SH3GL2: variants seen among roughly 807,000 people sequenced by gnomAD.
The protein encoded by SH3GL2 is endophilin-A1.
A neutral mutation model predicts 46.0 loss-of-function variants in SH3GL2; 24 were observed. The ratio of observed to expected loss-of-function variants is 0.52; its 90% confidence interval spans 0.38 to 0.73. The LOEUF is 0.73. Among genes scored for constraint, SH3GL2 ranks in the 30% least tolerant of loss-of-function variants. The probability of loss-of-function intolerance (pLI) is 0.00; values close to 1 mark genes in which losing one functional copy is unlikely to be tolerated. For missense variants in SH3GL2, 413 were observed against 424.2 expected (o/e 0.97, Z 0.23); for synonymous variants, 196 against 147.1 (o/e 1.33, Z -2.40).
chr9:17,737,839 T>C (rs1822387858), intron 1 of SH3GL2, among the ~76,000 whole-genome samples: 1 of 152,132 alleles, frequency 6.6e-6, no homozygotes, highest in African/African-American at 2.4e-5. Flanking sequence ...CCTGTGCATA[T>C]GCCACATGTT....
chr9:17,584,396 A>C (rs1320234438), intron 1 of SH3GL2, among the ~76,000 whole-genome samples: 1 of 152,152 alleles, frequency 6.6e-6, no homozygotes, highest in Admixed American at 6.5e-5. Flanking sequence ...CCACCTACCC[A>C]GGAGGCTGAG....
At chr9:17,653,233 A>G (rs78646757) in intron 1 of SH3GL2, among the ~76,000 whole-genome samples, 3,371 of 151,942 alleles carry the variant, frequency 0.022, 142 homozygotes, top group African/African-American at 0.076. Context: ...TCTTGCTCGC[A>G]TTGCTGTTTT....
At chr9:17,772,709 G>A (rs962943878) in intron 3 of SH3GL2, among the ~76,000 whole-genome samples, 1 of 152,164 alleles carries the variant, frequency 6.6e-6, no homozygotes, top group African/African-American at 2.4e-5. Context: ...ATTCTGTTGT[G>A]TGTAAATAGT....
At chr9:17,720,830 T>C (rs1172009117) in intron 1 of SH3GL2, among the ~76,000 whole-genome samples, 6 of 152,184 alleles carry the variant, frequency 3.9e-5, no homozygotes, top group Non-Finnish European at 8.8e-5. Flanking sequence ...TCTTGACTTA[T>C]GAGCCATGAT....
chr9:17,791,272 G>A lies in SH3GL2; in HGVS notation c.666G>A (p.Gln222=). ...AGCTCTCTGCACTTGTGCAAGCTCA[G>A]CTGGAGTACCACAAGCAGGCAGTCC... ...VSQLSALVQA[Q]LEYHKQAVQI... Residue 222 remains glutamine, a synonymous_variant, in exon 7 of 9, where the codon CAG becomes CAA. Coordinates refer to ENST00000380607, the MANE Select transcript of SH3GL2 (RefSeq NM_003026.5). 6.2e-7 allele frequency: 1 copy of A among 1,613,766 alleles called. No homozygotes were observed. Among genetic ancestry groups the A allele is most frequent in the Non-Finnish European group, 8.5e-7 (1 of 1,179,724 alleles).
intron 1 of SH3GL2, among the ~76,000 whole-genome samples, chr9:17,587,088 G>A (rs1818391758): frequency 6.6e-6 from 1 of 152,146 alleles, no homozygotes; most frequent in African/African-American, 2.4e-5. Flanking sequence ...TGTATTTCTG[G>A]CTACTCAGGA....
At chr9:17,653,033 C>T (rs1819992646) in intron 1 of SH3GL2, among the ~76,000 whole-genome samples, 1 of 152,150 alleles carries the variant, frequency 6.6e-6, no homozygotes, top group Non-Finnish European at 1.5e-5. Flanking sequence ...TTTTATCCCT[C>T]TGTGACATAA....
chr9:17,750,652 G>T (rs55792543), intron 2 of SH3GL2, among the ~76,000 whole-genome samples: 3,930 of 152,210 alleles, frequency 0.026, 170 homozygotes, highest in African/African-American at 0.09. Context: ...TCTTACTCTG[G>T]TGCAACATTG....
intron 1 of SH3GL2, among the ~76,000 whole-genome samples, chr9:17,607,220 A>C (rs914203089): frequency 6.6e-6 from 1 of 152,192 alleles, no homozygotes; most frequent in Non-Finnish European, 1.5e-5. Context: ...GCCTGCTGCA[A>C]ACCTAGGCTA....
In SH3GL2 at chr9:17,795,993, C is replaced by G. The variant is rs1045220167; in HGVS notation, c.*250C>G. ...CTGAGACCAGCCAGTAGTCACAGAA[C>G]TGCTGTTTACACAGTTCTCAGGAGG... is the stretch of plus-strand genomic sequence containing the variant. On this transcript the variant is annotated 3_prime_UTR_variant, in exon 9 of 9. Transcript: ENST00000380607. The G allele has an allele frequency of 4.0e-6, 2 of 506,296 alleles. No homozygotes were observed. The highest frequency in any genetic ancestry group is 6.5e-5 in the Admixed American group (2 of 30,916). 31.4% of individuals were successfully genotyped at this position (506,296 alleles called of 1,614,324 possible).
chr9:17,734,394 T>G (rs1215481337), intron 1 of SH3GL2, among the ~76,000 whole-genome samples: 1 of 152,118 alleles, frequency 6.6e-6, no homozygotes, highest in Non-Finnish European at 1.5e-5. Flanking sequence ...GGTAAAGTAC[T>G]TTACAATTGA....
At chr9:17,761,785 A>C (rs2296367) in intron 3 of SH3GL2, among the ~76,000 whole-genome samples, 81,086 of 152,020 alleles carry the variant, frequency 0.53, 22,161 homozygotes, top group East Asian at 0.88. Flanking sequence ...ACATAATATC[A>C]GAGTAGCTAT....
At chr9:17,601,797 C>T (rs975637425) in intron 1 of SH3GL2, among the ~76,000 whole-genome samples, 5 of 152,106 alleles carry the variant, frequency 3.3e-5, no homozygotes, top group African/African-American at 1.2e-4. Flanking sequence ...GTCCCAAAAA[C>T]TTGGGGTATG....
rs1230624275 is a variant in SH3GL2 at position 17,738,673 on chromosome 9, G to GAGAA, written c.46-8392_46-8391insGAAA. ...AGAGAGAGAGAGAGAGAGAGAGAGAGATAATTTTATTTCAAGGAATTGCCT... is the reference window on the plus strand; with the variant it reads ...AGAGAGAGAGAGAGAGAGAGAGAGAGAGAAATAATTTTATTTCAAGGAATTGCCT... On this transcript the variant is annotated intron_variant, in intron 1 of 8. Transcript: ENST00000380607. Among the ~76,000 whole-genome samples the GAGAA allele has an allele frequency of 8.3e-4, 120 of 145,024 alleles. 1 individual carries two copies. The highest frequency in any genetic ancestry group is 3.0e-3 in the African/African-American group (116 of 38,288).
At chr9:17,779,814 G>T (rs766004350) in intron 3 of SH3GL2, among the ~76,000 whole-genome samples, 1 of 152,102 alleles carries the variant, frequency 6.6e-6, no homozygotes, top group African/African-American at 2.4e-5. Context: ...GATTTGCTTG[G>T]TTGTCTGCTA....
rs564911350 is a variant in SH3GL2 at position 17,627,309 on chromosome 9, A to G, written c.45+48022A>G. Among the ~76,000 whole-genome samples the G allele has an allele frequency of 3.9e-5, 6 of 152,210 alleles. No homozygotes were observed. The East Asian group carries it at 9.7e-4, about 25-fold the overall frequency. On this transcript the variant is annotated intron_variant, in intron 1 of 8. Transcript: ENST00000380607. ...GAGCCCACCTACAGCTCATCTTCCT[A>G]TGAGGCAGAGAGCTAGCTTGATCGT...
chr9:17,696,118 A>G (rs1821196016), intron 1 of SH3GL2, among the ~76,000 whole-genome samples: 1 of 152,114 alleles, frequency 6.6e-6, no homozygotes, highest in African/African-American at 2.4e-5. Flanking sequence ...AGTCCTTTCC[A>G]GTTCTGAAGT....
At chr9:17,738,343 C>A (rs1822402307) in intron 1 of SH3GL2, among the ~76,000 whole-genome samples, 1 of 151,568 alleles carries the variant, frequency 6.6e-6, no homozygotes, top group Non-Finnish European at 1.5e-5. Flanking sequence ...AGTACTTTCT[C>A]TTTTCCTCCC....
At chr9:17,602,399 T>C (rs1818687663) in intron 1 of SH3GL2, among the ~76,000 whole-genome samples, 1 of 152,180 alleles carries the variant, frequency 6.6e-6, no homozygotes, top group Admixed American at 6.5e-5. Context: ...CTCTTCTGTT[T>C]TGAACATTTT....
Sources: gnomAD v4.1 joint callset for allele counts (sites outside exome capture counted in the v4.1 genomes callset) on GRCh38, gnomAD v4.1.1 for gene constraint, MANE v1.5 for transcripts, NCBI Gene and HGNC (gene_info 2026-07-23, HGNC 2026-07-21) for gene names.